The following ADAMTS3 variants were observed in gnomAD, a reference collection of about 807,000 sequenced individuals.
ADAMTS3 encodes the protein A disintegrin and metalloproteinase with thrombospondin motifs 3.
In ADAMTS3, 73 loss-of-function variants were observed where a neutral mutation model predicts 129.0. That is an observed-to-expected ratio of 0.57 (90% CI 0.47 to 0.69). The LOEUF (loss-of-function observed/expected upper bound fraction) is 0.69. ADAMTS3 is among the 30% of genes least tolerant of loss of function. ADAMTS3 has a pLI of 0.00. For synonymous variants in ADAMTS3, 477 were observed against 510.8 expected, an observed-to-expected ratio of 0.93 and a Z score of 0.89; for missense variants, 1,457 against 1,514.5, an observed-to-expected ratio of 0.96 and a Z score of 0.63.
intron 3 of ADAMTS3, among the ~76,000 whole-genome samples, chr4:72,489,277 C>T (rs1261341198): frequency 4.6e-5 from 7 of 151,856 alleles, no homozygotes; most frequent in Non-Finnish European, 8.8e-5. Context: ...TACAGTAGCC[C>T]CCCTTTATCT....
chr4:72,319,735 C>T lies in ADAMTS3; in HGVS notation c.1208+123G>A, dbSNP rs760311421. Reference sequence around the variant, plus strand: ...GACCTCTTCTCTGTTTGCAGCTCTTCACACTTGGCAAAAGACAAGAATTGT... The same window carrying T: ...GACCTCTTCTCTGTTTGCAGCTCTTTACACTTGGCAAAAGACAAGAATTGT... On this transcript the variant is annotated intron_variant, in intron 8 of 21. Transcript: ENST00000286657. The T allele has an allele frequency of 4.2e-5, 37 of 888,714 alleles. 1 individual carries two copies. The highest frequency in any genetic ancestry group is 6.2e-5 in the Non-Finnish European group (35 of 566,138). The allele number at this position is 888,714 out of a possible 1,614,324, so 55.1% of individuals were successfully genotyped here.
At chr4:72,432,315 T>C (rs1392194065) in intron 3 of ADAMTS3, among the ~76,000 whole-genome samples, 1 of 151,892 alleles carries the variant, frequency 6.6e-6, no homozygotes, top group Non-Finnish European at 1.5e-5. Flanking sequence ...TTGATTCTAC[T>C]TTCCCTCCCG....
intron 3 of ADAMTS3, among the ~76,000 whole-genome samples, chr4:72,463,640 T>C (rs1486471338): frequency 1.3e-5 from 2 of 150,802 alleles, no homozygotes; most frequent in Non-Finnish European, 2.9e-5. Context: ...TGGGATTTAG[T>C]TGACATTTTT....
intron 5 of ADAMTS3, among the ~76,000 whole-genome samples, chr4:72,325,156 G>T (rs563911301): frequency 3.9e-5 from 6 of 151,934 alleles, no homozygotes; most frequent in African/African-American, 1.4e-4. Flanking sequence ...ATGGAAAAGG[G>T]GTTTGATTCA....
Position 72,312,369 on chromosome 4 carries a change from G to A in ADAMTS3, c.1843C>T (p.Gln615Ter). Residue 615 changes from glutamine to a stop codon, truncating the protein, a stop_gained, in exon 13 of 22, where the codon CAG (glutamine) becomes TAG (stop). Transcript: ENST00000286657. LOFTEE classifies it high-confidence loss of function. The part of the protein sequence containing the change: ...CQKHFEDFRA[Q>*]QCQQRNSHFE... ...TGGGAGTTTCGCTGCTGACACTGCT[G>A]TGCTCTGAAGTCCTCAAAGTGTTTT... 1 of 1,613,788 alleles carries A rather than the reference G, an allele frequency of 6.2e-7. No homozygotes were observed.
intron 2 of ADAMTS3, among the ~76,000 whole-genome samples, chr4:72,552,956 G>A (rs1160046706): frequency 3.3e-5 from 5 of 152,016 alleles, no homozygotes; most frequent in Non-Finnish European, 7.4e-5. Flanking sequence ...ACTTCATGAA[G>A]GCAGAAGATT....
At chr4:72,568,591 G>T in intron 1 of ADAMTS3, 103 bp downstream of exon 1, 1 of 866,864 alleles carries the variant, frequency 1.2e-6, no homozygotes, top group Non-Finnish European at 1.9e-6. Context: ...AACAGGGAAG[G>T]GTGGGAGGAG....
chr4:72,365,252 G>A (rs1720841026), intron 4 of ADAMTS3, among the ~76,000 whole-genome samples: 2 of 152,186 alleles, frequency 1.3e-5, no homozygotes, highest in Non-Finnish European at 2.9e-5. Context: ...GGAGAAATGA[G>A]CAGACATTTC....
rs556336101 is a variant in ADAMTS3 at position 72,562,059 on chromosome 4, T to C, written c.97+5315A>G. 1.9e-4 allele frequency among the ~76,000 whole-genome samples: 29 copies of C among 152,302 alleles called. No individual in the cohort carries two copies. In the South Asian group the frequency reaches 3.5e-3, roughly 19 times the overall value. On this transcript the variant is annotated intron_variant, in intron 2 of 21. Transcript: ENST00000286657. ...AACTCTCAGATTGCACTGTATGAGG[T>C]AGATGAGTCTTCTCGCAGTACTAAT...
intron 4 of ADAMTS3, among the ~76,000 whole-genome samples, chr4:72,364,905 T>A (rs1310083744): frequency 6.6e-6 from 1 of 152,098 alleles, no homozygotes; most frequent in East Asian, 1.9e-4. Flanking sequence ...TTGAAAAAAA[T>A]ATAGCACTAT....
At chr4:72,356,450 T>C (rs1442303134) in intron 4 of ADAMTS3, among the ~76,000 whole-genome samples, 3 of 151,912 alleles carry the variant, frequency 2.0e-5, no homozygotes, top group African/African-American at 7.2e-5. Context: ...ATTTGTGAGT[T>C]CATCTAGTTG....
At chr4:72,391,418 T>C (rs1323235891) in intron 4 of ADAMTS3, among the ~76,000 whole-genome samples, 1 of 152,062 alleles carries the variant, frequency 6.6e-6, no homozygotes, top group Non-Finnish European at 1.5e-5. Flanking sequence ...ACACTGAAGA[T>C]AAAGCTTAGC....
Position 72,568,843 on chromosome 4 carries a change from C to CTT in ADAMTS3, c.-83_-82dup. ...CACCCCCCCCGCCCAAAATAAGTTT[C>CTT]TTTAAGAAAAAAAGGAAAAGGGAAA... On this transcript the variant is annotated 5_prime_UTR_variant, in exon 1 of 22. Coordinates refer to ENST00000286657, the MANE Select transcript of ADAMTS3 (RefSeq NM_014243.3). The CTT allele has an allele frequency of 1.2e-6, 1 of 825,104 alleles. No individual in the cohort carries two copies. Among genetic ancestry groups the CTT allele is most frequent in the South Asian group, 2.1e-5 (1 of 46,714 alleles). The allele number at this position is 825,104 out of a possible 1,614,324, so 51.1% of individuals were successfully genotyped here.
intron 1 of ADAMTS3, 26 bp downstream of exon 1, chr4:72,568,668 T>C: frequency 6.2e-7 from 1 of 1,605,784 alleles, no homozygotes; most frequent in Non-Finnish European, 8.5e-7. Flanking sequence ...TTGAGTTTTT[T>C]TTTATTGTTA....
At chr4:72,410,174 C>A (rs1722151498) in intron 4 of ADAMTS3, among the ~76,000 whole-genome samples, 1 of 152,060 alleles carries the variant, frequency 6.6e-6, no homozygotes, top group Admixed American at 6.6e-5. Context: ...TCTACAGATT[C>A]AAGGAAGGGC....
intron 3 of ADAMTS3, among the ~76,000 whole-genome samples, chr4:72,512,679 C>G (rs1296738199): frequency 6.6e-6 from 1 of 152,096 alleles, no homozygotes; most frequent in Non-Finnish European, 1.5e-5. Flanking sequence ...GCTTATTTCA[C>G]CTTGCATGCC....
At chr4:72,380,769 C>T (rs1041478933) in intron 4 of ADAMTS3, among the ~76,000 whole-genome samples, 1 of 152,044 alleles carries the variant, frequency 6.6e-6, no homozygotes, top group African/African-American at 2.4e-5. Context: ...GCAGTCATCT[C>T]AGAGATTTAT....
intron 3 of ADAMTS3, among the ~76,000 whole-genome samples, chr4:72,487,210 A>C (rs1365410604): frequency 6.6e-6 from 1 of 152,176 alleles, no homozygotes; most frequent in Non-Finnish European, 1.5e-5. Flanking sequence ...CATTGTGATT[A>C]TTCACATTAA....
intron 1 of ADAMTS3, chr4:72,567,924 G>C (rs1722058407): frequency 6.5e-6 from 1 of 153,786 alleles, no homozygotes; most frequent in Non-Finnish European, 1.4e-5. Context: ...TCCCCTGGCG[G>C]AGCCTTCTCA....
Sources: allele counts gnomAD v4.1 joint callset (sites outside exome capture counted in the v4.1 genomes callset), GRCh38; gene constraint gnomAD v4.1.1; transcripts MANE v1.5; gene names NCBI Gene and HGNC (gene_info 2026-07-23, HGNC 2026-07-21).